DAB1: variants seen among roughly 807,000 people sequenced by gnomAD.
The protein encoded by DAB1 is DAB adaptor protein 1.
DAB1 carries 15 observed loss-of-function variants against 64.6 expected under a neutral mutation model. The ratio of observed to expected loss-of-function variants is 0.23; its 90% CI spans 0.16 to 0.36. The LOEUF (loss-of-function observed/expected upper bound fraction) is 0.36, where lower values mean the gene tolerates loss of function less well. DAB1 is among the 10% of genes least tolerant of loss of function. The pLI, the probability that DAB1 is intolerant of heterozygous loss-of-function variation, is 1.00. For missense variants in DAB1, 596 were observed against 706.7 expected (o/e 0.84, Z 1.78); for synonymous variants, 235 against 251.9 (o/e 0.93, Z 0.64).
chr1:57,114,993 G>C (rs1005763511), intron 4 of DAB1, among the ~76,000 whole-genome samples: 1 of 151,994 alleles, frequency 6.6e-6, no homozygotes, highest in African/African-American at 2.4e-5. Context: ...GAATTAAATT[G>C]AATAAATGCA....
intron 2 of DAB1, among the ~76,000 whole-genome samples, chr1:57,152,005 G>A (rs1483165365): frequency 2.6e-5 from 4 of 151,830 alleles, no homozygotes; most frequent in Non-Finnish European, 4.4e-5. Context: ...GTAGAGATGA[G>A]GTTTCCCCAT....
chr1:58,290,376 G>C (rs1661787747), intron 4 of DAB1, among the ~76,000 whole-genome samples: 1 of 152,148 alleles, frequency 6.6e-6, no homozygotes, highest in Non-Finnish European at 1.5e-5. Context: ...AGAATGAACA[G>C]TATGAGCAAG....
chr1:57,695,358 A>G lies in DAB1; in HGVS notation n.552-45693T>C, dbSNP rs1646819996. Among the ~76,000 whole-genome samples the G allele has an allele frequency of 1.4e-3, 46 of 33,164 alleles. 1 individual carries two copies. The highest frequency in any genetic ancestry group is 3.7e-3 in the African/African-American group (41 of 10,964). The allele number at this position is 33,164 out of a possible 152,430, so 21.8% of individuals were successfully genotyped here. A position where few individuals can be genotyped will look rare whatever the true frequency, so the allele number is the denominator to read the frequency against. On this transcript the variant is annotated intron_variant and non_coding_transcript_variant, in intron 6 of 20. Coordinates refer to the DAB1 transcript ENST00000485760. ...AAAGAAAGAAAGAAAGAAAGAAAAG[A>G]AAGAAGAAAGAAAGAAAGAAAGAAA...
intron 5 of DAB1, among the ~76,000 whole-genome samples, chr1:57,955,665 G>C (rs1241426992): frequency 1.3e-5 from 2 of 152,060 alleles, no homozygotes; most frequent in Non-Finnish European, 2.9e-5. Flanking sequence ...TAGCACAAGA[G>C]GATACAGCCC....
intron 4 of DAB1, among the ~76,000 whole-genome samples, chr1:57,111,007 G>T (rs1281772934): frequency 6.6e-6 from 1 of 151,962 alleles, no homozygotes; most frequent in Non-Finnish European, 1.5e-5. Flanking sequence ...ATATAGTACA[G>T]AGAAGAATAT....
rs982573641 is a variant in DAB1, at chr1:57,916,248, G to A, written n.388-32086C>T. Among the ~76,000 whole-genome samples the A allele has an allele frequency of 4.6e-5, 7 of 152,186 alleles. No individual in the cohort carries two copies. In the South Asian group the frequency reaches 1.0e-3, roughly 23 times the overall value. ...GGCACTGACAGCTCCTGTGCAGTCA[G>A]CAGTGGCCAGCCCTCCTCTCTCCCA... On this transcript the variant is annotated intron_variant and non_coding_transcript_variant, in intron 5 of 20. Coordinates refer to the DAB1 transcript ENST00000485760.
chr1:57,038,877 T>C (rs1182963988), intron 9 of DAB1, among the ~76,000 whole-genome samples: 2 of 152,106 alleles, frequency 1.3e-5, no homozygotes, highest in African/African-American at 4.8e-5. Context: ...TATTAAGACA[T>C]TGCAAGAAAC....
At chr1:57,765,109 T>C (rs535874233) in intron 6 of DAB1, among the ~76,000 whole-genome samples, 1 of 152,268 alleles carries the variant, frequency 6.6e-6, no homozygotes, top group East Asian at 1.9e-4. Flanking sequence ...CAGCAGACAT[T>C]CAGAGGATGC....
At chr1:57,277,311 T>C (rs1274441031) in intron 2 of DAB1, among the ~76,000 whole-genome samples, 1 of 152,204 alleles carries the variant, frequency 6.6e-6, no homozygotes, top group Admixed American at 6.5e-5. Context: ...TCATATAAAA[T>C]ATGAAAATAA....
chr1:58,513,223 G>GCTCT (rs1646108718), intron 2 of DAB1, among the ~76,000 whole-genome samples: 1 of 152,046 alleles, frequency 6.6e-6, no homozygotes, highest in African/African-American at 2.4e-5. Flanking sequence ...AGTTTTCCCT[G>GCTCT]CTCTTACACA....
intron 3 of DAB1, among the ~76,000 whole-genome samples, chr1:58,436,554 CT>C (rs1476968292): frequency 1.3e-5 from 2 of 152,190 alleles, no homozygotes; most frequent in African/African-American, 2.4e-5. Context: ...TTGGCTCCTT[CT>C]TAATGGTCTC....
chr1:58,065,757 G>T (rs1023036429), intron 5 of DAB1, among the ~76,000 whole-genome samples: 4 of 152,288 alleles, frequency 2.6e-5, no homozygotes, highest in Admixed American at 2.6e-4. Context: ...GGAAGCAGGG[G>T]TCAGCAGAGG....
chr1:57,101,756 C>T (rs188669500), intron 4 of DAB1, among the ~76,000 whole-genome samples: 136 of 152,340 alleles, frequency 8.9e-4, no homozygotes, highest in Middle Eastern at 3.4e-3. Context: ...AAATAGCTGA[C>T]ATTCAGTAAG....
In DAB1 at chr1:58,251,438, C is replaced by T. The variant is rs138226156; in HGVS notation, n.309+91914G>A. Among the ~76,000 whole-genome samples the T allele has an allele frequency of 5.3e-5, 8 of 152,248 alleles. No homozygotes were observed. The East Asian group carries it at 1.5e-3, about 29-fold the overall frequency. On this transcript the variant is annotated intron_variant and non_coding_transcript_variant, in intron 4 of 20. Transcript: ENST00000485760. The stretch of plus-strand genomic sequence containing the variant: ...TGACCAAAATTTAAGTAGATGGCGA[C>T]ATGTGATAGAAAATGACTAGGGTAG...
chr1:58,324,687 A>T (rs1034938322), intron 4 of DAB1, among the ~76,000 whole-genome samples: 2 of 152,150 alleles, frequency 1.3e-5, no homozygotes, highest in Non-Finnish European at 2.9e-5. Flanking sequence ...CTCTTGGCTG[A>T]TCATGTCTAA....
chr1:58,362,090 C>G (rs1219646040), intron 3 of DAB1, among the ~76,000 whole-genome samples: 1 of 152,056 alleles, frequency 6.6e-6, no homozygotes, highest in Non-Finnish European at 1.5e-5. Flanking sequence ...GTCGTGAACT[C>G]CTGACCTTTA....
intron 5 of DAB1, among the ~76,000 whole-genome samples, chr1:57,916,865 C>A (rs1002005207): frequency 4.6e-5 from 7 of 152,084 alleles, no homozygotes; most frequent in African/African-American, 7.2e-5. Flanking sequence ...ACTGCTTGAA[C>A]CTGGGAGGCG....
intron 1 of DAB1, among the ~76,000 whole-genome samples, chr1:57,345,221 G>A (rs756176073): frequency 6.6e-6 from 1 of 152,168 alleles, no homozygotes; most frequent in Non-Finnish European, 1.5e-5. Context: ...GCCCCCTATC[G>A]TGGATCTGCC....
intron 7 of DAB1, among the ~76,000 whole-genome samples, chr1:57,553,991 GA>G (rs1644958118): frequency 6.6e-6 from 1 of 152,302 alleles, no homozygotes; most frequent in Admixed American, 6.5e-5. Context: ...TATGCAAAGG[GA>G]AGTTGTATCT....
Sources: gnomAD v4.1 joint callset for allele counts (sites outside exome capture counted in the v4.1 genomes callset) on GRCh38, gnomAD v4.1.1 for gene constraint, MANE v1.5 for transcripts, NCBI Gene and HGNC (gene_info 2026-07-23, HGNC 2026-07-21) for gene names.